ARB2A: variants seen among roughly 807,000 people sequenced by gnomAD.
ARB2A encodes cotranscriptional regulator ARB2A.
At chr5:93,625,851 G>A in the ARB2A span, among the ~76,000 whole-genome samples, 1 of 152,170 alleles carries the variant, frequency 6.6e-6, no homozygotes, top group East Asian at 1.9e-4. Context: ...AGCACTGAGG[G>A]TGGAATAGCA....
the ARB2A span, among the ~76,000 whole-genome samples, chr5:93,747,212 G>T: frequency 6.6e-6 from 1 of 152,078 alleles, no homozygotes; most frequent in Non-Finnish European, 1.5e-5. Context: ...AAGTAGAAAA[G>T]AATTTCTGTT....
the ARB2A span, chr5:93,776,265 A>G: frequency 1.3e-6 from 2 of 1,569,074 alleles, no homozygotes; most frequent in Admixed American, 1.9e-5. Context: ...TAGAGACAAT[A>G]TTGTTGAAAT....
chr5:94,052,998 C>G, the ARB2A span: 1 of 425,402 alleles, frequency 2.4e-6, no homozygotes, highest in Non-Finnish European at 4.2e-6. Flanking sequence ...AAACATTCTA[C>G]TTGGCCTTTA....
chr5:93,831,230 G>C, the ARB2A span, among the ~76,000 whole-genome samples: 1 of 147,928 alleles, frequency 6.8e-6, no homozygotes, highest in Non-Finnish European at 1.5e-5. Flanking sequence ...CCTTGTTCTA[G>C]TCTTTCCCTT....
the ARB2A span, among the ~76,000 whole-genome samples, chr5:94,085,478 G>A: frequency 6.6e-6 from 1 of 152,184 alleles, no homozygotes; most frequent in African/African-American, 2.4e-5. Flanking sequence ...GATTGGTACT[G>A]ATTGTTGTTA....
chr5:93,639,815 G>A, the ARB2A span, among the ~76,000 whole-genome samples: 1 of 151,958 alleles, frequency 6.6e-6, no homozygotes, highest in Non-Finnish European at 1.5e-5. Context: ...GGGAGGCCGA[G>A]GCAGGAGAAT....
chr5:93,959,848 T>C, the ARB2A span, among the ~76,000 whole-genome samples: 9 of 152,230 alleles, frequency 5.9e-5, no homozygotes, highest in South Asian at 1.9e-3. Flanking sequence ...CTTCCCAACC[T>C]TTTGTTACAT....
At chr5:93,737,805 C>G in the ARB2A span, 11 of 365,524 alleles carry the variant, frequency 3.0e-5, no homozygotes, top group African/African-American at 2.0e-4. Flanking sequence ...TGAAGTTGGG[C>G]ACTTACCTCA....
chr5:93,683,616 A>G, the ARB2A span: 1 of 1,511,398 alleles, frequency 6.6e-7, no homozygotes. Flanking sequence ...TTTCATCATT[A>G]TCCACCTTAA....
the ARB2A span, among the ~76,000 whole-genome samples, chr5:93,750,139 T>C: frequency 3.3e-5 from 5 of 152,336 alleles, no homozygotes; most frequent in South Asian, 6.2e-4. Context: ...AATAAATATT[T>C]ACAGTTGTTT....
chr5:94,069,855 T>C, the ARB2A span, among the ~76,000 whole-genome samples: 6 of 152,148 alleles, frequency 3.9e-5, no homozygotes, highest in Non-Finnish European at 8.8e-5. Flanking sequence ...TAAATCTGTA[T>C]AACCTCCATG....
chr5:93,742,734 C>A, the ARB2A span, among the ~76,000 whole-genome samples: 3 of 152,188 alleles, frequency 2.0e-5, no homozygotes, highest in Non-Finnish European at 4.4e-5. Context: ...AAAAAATCCT[C>A]ATCCTGCTGT....
the ARB2A span, among the ~76,000 whole-genome samples, chr5:93,932,656 A>G: frequency 2.0e-5 from 3 of 152,216 alleles, no homozygotes; most frequent in African/African-American, 7.2e-5. Flanking sequence ...TCCCACTTAC[A>G]TAATTGGAAC....
the ARB2A span, among the ~76,000 whole-genome samples, chr5:94,069,435 G>C: frequency 6.6e-6 from 1 of 151,992 alleles, no homozygotes; most frequent in Non-Finnish European, 1.5e-5. Context: ...AGACAAATGG[G>C]ACTACATTAA....
chr5:93,886,994 TAGTC>T, the ARB2A span, among the ~76,000 whole-genome samples: 1 of 151,768 alleles, frequency 6.6e-6, no homozygotes, highest in Admixed American at 6.6e-5. Context: ...CTCATCAAGT[TAGTC>T]AGTAAAAGAA....
At chr5:93,784,591 T>TTA in the ARB2A span, 2 of 903,900 alleles carry the variant, frequency 2.2e-6, no homozygotes, top group Non-Finnish European at 3.4e-6. Context: ...AATATTATAT[T>TTA]AACAATGAAA....
the ARB2A span, among the ~76,000 whole-genome samples, chr5:93,627,184 G>A: frequency 1.8e-4 from 27 of 152,196 alleles, no homozygotes; most frequent in African/African-American, 6.5e-4. Flanking sequence ...TGGTTCTTTT[G>A]CTATTTCTAC....
At chr5:93,938,318 C>A in the ARB2A span, among the ~76,000 whole-genome samples, 17 of 152,130 alleles carry the variant, frequency 1.1e-4, no homozygotes, top group Admixed American at 1.0e-3. Context: ...AAAAGTTATG[C>A]CAGTTTTTCA....
chr5:94,012,295 G>A, the ARB2A span, among the ~76,000 whole-genome samples: 1 of 152,194 alleles, frequency 6.6e-6, no homozygotes, highest in Non-Finnish European at 1.5e-5. Flanking sequence ...CCAGCTACTT[G>A]GGAGGCTGAG....
Sources: allele counts gnomAD v4.1 joint callset (sites outside exome capture counted in the v4.1 genomes callset), GRCh38; gene constraint gnomAD v4.1.1; transcripts MANE v1.5; gene names NCBI Gene and HGNC (gene_info 2026-07-23, HGNC 2026-07-21).